ASTN2: variants seen among roughly 807,000 people sequenced by gnomAD.
ASTN2 encodes the protein astrotactin-2.
Under a neutral mutation model 139.8 loss-of-function variants are expected in ASTN2, and 54 were observed. The observed-to-expected ratio is 0.39, with a 90% confidence interval of 0.31 to 0.48. The LOEUF (loss-of-function observed/expected upper bound fraction) is 0.48. Among genes scored for constraint, ASTN2 ranks in the 20% least tolerant of loss-of-function variants. ASTN2 has a pLI of 0.95. For missense variants in ASTN2, 1,565 were observed against 1,725.1 expected, an observed-to-expected ratio of 0.91 and a Z score of 1.64; for synonymous variants, 756 against 719.5, an observed-to-expected ratio of 1.05 and a Z score of -0.81.
chr9:117,133,753 G>T (rs1431960614), intron 4 of ASTN2, among the ~76,000 whole-genome samples: 2 of 152,148 alleles, frequency 1.3e-5, no homozygotes, highest in East Asian at 3.9e-4. Context: ...ACTTTCATTT[G>T]GGAAAAATTT....
At chr9:116,894,926 C>G (rs994774182) in intron 10 of ASTN2, among the ~76,000 whole-genome samples, 1 of 152,182 alleles carries the variant, frequency 6.6e-6, no homozygotes, top group Non-Finnish European at 1.5e-5. Flanking sequence ...AACTGATTTT[C>G]CAAAAGGTTC....
intron 13 of ASTN2, among the ~76,000 whole-genome samples, chr9:116,786,561 C>T (rs138709884): frequency 1.4e-3 from 218 of 152,134 alleles, no homozygotes; most frequent in African/African-American, 5.1e-3. Context: ...TTACTACAAT[C>T]ACTACTACCT....
At chr9:116,581,342 T>A (rs1002050015) in intron 19 of ASTN2, among the ~76,000 whole-genome samples, 1 of 152,074 alleles carries the variant, frequency 6.6e-6, no homozygotes, top group Admixed American at 6.5e-5. Flanking sequence ...GAAACTTACA[T>A]CTCCAATCAG....
intron 19 of ASTN2, among the ~76,000 whole-genome samples, chr9:116,536,460 C>T (rs966886458): frequency 6.6e-6 from 1 of 152,130 alleles, no homozygotes; most frequent in Non-Finnish European, 1.5e-5. Context: ...AGCTTTTCTG[C>T]TCTGCTTTTT....
chr9:117,066,101 C>T (rs1222502873), intron 5 of ASTN2, among the ~76,000 whole-genome samples: 12 of 146,412 alleles, frequency 8.2e-5, no homozygotes, highest in Admixed American at 6.8e-4. Flanking sequence ...ATGTGCCATG[C>T]TGGTGCACTG....
chr9:116,796,040 T>G (rs1255057807), intron 13 of ASTN2, among the ~76,000 whole-genome samples: 2 of 152,196 alleles, frequency 1.3e-5, no homozygotes, highest in Non-Finnish European at 2.9e-5. Context: ...CAAGTGAGCT[T>G]TGCTTACAGC....
intron 2 of ASTN2, among the ~76,000 whole-genome samples, chr9:117,231,523 C>T (rs1411303082): frequency 6.6e-6 from 1 of 152,002 alleles, no homozygotes; most frequent in Non-Finnish European, 1.5e-5. Context: ...AAAAATAAAA[C>T]AAAATAATCG....
chr9:117,180,604 T>G, intron 3 of ASTN2: 1 of 1,165,492 alleles, frequency 8.6e-7, no homozygotes. Context: ...CGAGCACCAT[T>G]CTAAACAACT....
chr9:116,579,628 C>A (rs1346960839), intron 19 of ASTN2, among the ~76,000 whole-genome samples: 3 of 152,166 alleles, frequency 2.0e-5, no homozygotes, highest in Admixed American at 2.0e-4. Context: ...TGCCTGTAGA[C>A]CCAGCGGCTT....
intron 19 of ASTN2, among the ~76,000 whole-genome samples, chr9:116,502,727 GAAGGAATGAAT>G (rs1442269563): frequency 4.3e-5 from 1 of 23,522 alleles, no homozygotes; most frequent in Non-Finnish European, 1.0e-4. Flanking sequence ...AGGAAGGAAG[GAAGGAATGAAT>G]GAATGAATGA....
At chr9:116,903,072 T>G (rs528456430) in intron 10 of ASTN2, among the ~76,000 whole-genome samples, 1 of 152,226 alleles carries the variant, frequency 6.6e-6, no homozygotes, top group African/African-American at 2.4e-5. Flanking sequence ...TTTCCAGACA[T>G]CCATATGCTG....
At chr9:117,071,886 A>ACCCACTGGCCTGCG (rs1039420756) in intron 5 of ASTN2, among the ~76,000 whole-genome samples, 1 of 151,980 alleles carries the variant, frequency 6.6e-6, no homozygotes, top group Non-Finnish European at 1.5e-5. Flanking sequence ...CCGTGCGCGC[A>ACCCACTGGCCTGCG]CCCACTGGCC....
chr9:116,752,144 C>T (rs1588264575), intron 13 of ASTN2, among the ~76,000 whole-genome samples: 1 of 152,212 alleles, frequency 6.6e-6, no homozygotes, highest in East Asian at 1.9e-4. Flanking sequence ...GGTGAAATGA[C>T]AGAAAAAGAG....
At position 116,977,086 on chromosome 9, in the gene ASTN2, G is replaced by A. The variant is rs192552049; in HGVS notation, c.1592-301C>T. ...AAAGGAGCTCACAACTTAAGACAGG[G>A]AAACAGGAAGTGATCAGGTGGCTAC... On this transcript the variant is annotated intron_variant, in intron 7 of 22. Transcript: ENST00000313400. Among the ~76,000 whole-genome samples, 675 of 152,252 alleles carry A rather than the reference G, an allele frequency of 4.4e-3. 4 individuals are homozygous for A. Among genetic ancestry groups the A allele is most frequent in the Non-Finnish European group, 7.2e-3 (493 of 68,014 alleles).
At position 116,584,466 on chromosome 9, in the gene ASTN2, T is replaced by C. The variant is rs1322315839; in HGVS notation, c.3355+33858A>G. 3 of 152,164 alleles carry C rather than the reference T, an allele frequency of 2.0e-5. No individual in the cohort carries two copies. In the East Asian group the frequency reaches 5.8e-4, roughly 29 times the overall value. The allele number at this position is 152,164 out of a possible 1,614,324, so 9.4% of individuals were successfully genotyped here. A position where few individuals can be genotyped will look rare whatever the true frequency, so the allele number is the denominator to read the frequency against. ...CTATAGCCCACTACCATCATTTCAA[T>C]AGACTCAGAAAATTCAACATCCATT... is the stretch of plus-strand genomic sequence containing the variant. On this transcript the variant is annotated intron_variant, in intron 19 of 22. Transcript: ENST00000313400.
chr9:117,243,508 T>G (rs1212415082), intron 2 of ASTN2, among the ~76,000 whole-genome samples: 1 of 152,200 alleles, frequency 6.6e-6, no homozygotes, highest in African/African-American at 2.4e-5. Flanking sequence ...ATCCTGGAAG[T>G]TATTAATTAC....
At chr9:116,962,226 A>G (rs1251406384) in intron 10 of ASTN2, among the ~76,000 whole-genome samples, 3 of 152,236 alleles carry the variant, frequency 2.0e-5, no homozygotes, top group African/African-American at 7.2e-5. Context: ...TTTCTGGAAT[A>G]TCCCAGCATG....
chr9:116,734,349 G>A (rs1310947436), intron 13 of ASTN2, among the ~76,000 whole-genome samples: 1 of 152,138 alleles, frequency 6.6e-6, no homozygotes. Flanking sequence ...TGCAGCAGAG[G>A]GAGGCAGGTT....
At chr9:116,686,609 C>T (rs895057228) in intron 16 of ASTN2, 22 of 1,363,870 alleles carry the variant, frequency 1.6e-5, no homozygotes, top group Admixed American at 9.9e-5. Context: ...CAGATTCCCT[C>T]AAATCTCAGG....
Sources: allele counts gnomAD v4.1 joint callset (sites outside exome capture counted in the v4.1 genomes callset), GRCh38; gene constraint gnomAD v4.1.1; transcripts MANE v1.5; gene names NCBI Gene and HGNC (gene_info 2026-07-23, HGNC 2026-07-21).